Variants in ELFN2 observed in about 807,000 individuals in gnomAD.
ELFN2 encodes protein phosphatase 1 regulatory subunit 29.
ELFN2 carries 17 observed loss-of-function variants against 45.5 expected under a neutral mutation model. The ratio of observed to expected loss-of-function variants is 0.37; its 90% CI spans 0.26 to 0.56. ELFN2 has a LOEUF of 0.56. ELFN2 is among the 20% of genes least tolerant of loss of function. The pLI, the probability that ELFN2 is intolerant of heterozygous loss-of-function variation, is 0.77. For missense variants in ELFN2, 922 were observed against 1,183.2 expected (o/e 0.78, Z 3.24); for synonymous variants, 550 against 551.5 (o/e 1.00, Z 0.04).
At chr22:37,405,399 G>A (rs1932474890) in intron 2 of ELFN2, among the ~76,000 whole-genome samples, 1 of 151,866 alleles carries the variant, frequency 6.6e-6, no homozygotes, top group Non-Finnish European at 1.5e-5. Context: ...GGCCACCTCA[G>A]CTTCTTAAAA....
In ELFN2 at chr22:37,399,342, G is replaced by A. The variant is rs138775427; in HGVS notation, c.-463+18427C>T. Among the ~76,000 whole-genome samples, 47 of 152,216 alleles carry A rather than the reference G, an allele frequency of 3.1e-4. 1 individual carries two copies. In the Middle Eastern group the frequency reaches 0.01, roughly 33 times the overall value. On this transcript the variant is annotated intron_variant, in intron 2 of 2. Transcript: ENST00000402918. Reference sequence around the variant, plus strand: ...AAGTCTGCCCCTGTGTGGGCTTCCTGAGGGCAGGGACTCTTTTCATGCCCA... The same window carrying A: ...AAGTCTGCCCCTGTGTGGGCTTCCTAAGGGCAGGGACTCTTTTCATGCCCA...
chr22:37,382,120 G>A (rs1287988310), intron 2 of ELFN2, among the ~76,000 whole-genome samples: 5 of 152,108 alleles, frequency 3.3e-5, no homozygotes, highest in Non-Finnish European at 7.4e-5. Flanking sequence ...GCAAGGAACT[G>A]AAACTCAGAG....
chr22:37,379,027 C>T (rs1931669613), intron 2 of ELFN2, among the ~76,000 whole-genome samples: 2 of 152,196 alleles, frequency 1.3e-5, no homozygotes, highest in South Asian at 4.1e-4. Context: ...GGGCAGCACC[C>T]CACATACCCA....
chr22:37,383,965 A>G (rs1004132496), intron 2 of ELFN2, among the ~76,000 whole-genome samples: 1 of 151,864 alleles, frequency 6.6e-6, no homozygotes, highest in African/African-American at 2.4e-5. Context: ...CAGTTTCCTC[A>G]TCTGTTTGGA....
chr22:37,393,596 C>T (rs942344147), intron 2 of ELFN2, among the ~76,000 whole-genome samples: 2 of 152,200 alleles, frequency 1.3e-5, no homozygotes, highest in African/African-American at 2.4e-5. Flanking sequence ...CCAGGCCTTG[C>T]GCTAAGTCCC....
rs563208092 is a variant in ELFN2, at chr22:37,378,802, G to A, written c.-462-2806C>T. Among the ~76,000 whole-genome samples, 129 of 152,380 alleles carry A rather than the reference G, an allele frequency of 8.5e-4. No homozygotes were observed. The Middle Eastern group carries it at 0.01, about 12-fold the overall frequency. On this transcript the variant is annotated intron_variant, in intron 2 of 2. Transcript: ENST00000402918. ...CTGCCACCCGTGGAGACCTGACGCG[G>A]CCAGGGAGGGAACAGAGAGGCCAAG...
At chr22:37,343,300 C>T (rs187225730) in intron 1 of ELFN2, among the ~76,000 whole-genome samples, 151 of 152,286 alleles carry the variant, frequency 9.9e-4, no homozygotes, top group Non-Finnish European at 1.8e-3. Flanking sequence ...CCTGCTCCCC[C>T]GCCCCTATGC....
In ELFN2 at chr22:37,384,043, C is replaced by T. The variant is rs1460800885; in HGVS notation, c.-462-8047G>A. On this transcript the variant is annotated intron_variant, in intron 2 of 2. Coordinates refer to ENST00000402918, the MANE Select transcript of ELFN2 (RefSeq NM_052906.5). ...CCCCAAAGCCCTGTCACCTGCCCAC[C>T]GTGTCACCCCCCCATGGCTCACCCG... 2.6e-5 allele frequency among the ~76,000 whole-genome samples: 4 copies of T among 152,166 alleles called. No individual in the cohort carries two copies. In the South Asian group the frequency reaches 6.2e-4, roughly 24 times the overall value.
chr22:37,394,982 A>T (rs1170679815), intron 2 of ELFN2, among the ~76,000 whole-genome samples: 2 of 152,106 alleles, frequency 1.3e-5, no homozygotes, highest in Admixed American at 6.5e-5. Flanking sequence ...ACACGCCTGT[A>T]GTCCCAGCTA....
chr22:37,407,492 G>A (rs1490045781), intron 2 of ELFN2, among the ~76,000 whole-genome samples: 6 of 152,160 alleles, frequency 3.9e-5, no homozygotes, highest in African/African-American at 1.4e-4. Context: ...AGAAACAAGT[G>A]CCTTGGCTTT....
chr22:37,360,704 G>A (rs953173476), intron 1 of ELFN2, among the ~76,000 whole-genome samples: 5 of 152,280 alleles, frequency 3.3e-5, no homozygotes, highest in African/African-American at 4.8e-5. Flanking sequence ...TCCTTAGACC[G>A]AAAGCAGCTG....
At chr22:37,391,194 T>C (rs1601756742) in intron 2 of ELFN2, among the ~76,000 whole-genome samples, 1 of 152,142 alleles carries the variant, frequency 6.6e-6, no homozygotes, top group East Asian at 1.9e-4. Flanking sequence ...CAAGGCTGCG[T>C]GGGGGCCATC....
chr22:37,417,172 G>A lies in ELFN2; in HGVS notation c.-463+597C>T, dbSNP rs1023538900. ...GGCAGCCACCAGCCCCAGCCAGGAC[G>A]GAGCAGCTCCTTCTGCCTGCCTGTC... On this transcript the variant is annotated intron_variant, in intron 2 of 2. Coordinates refer to ENST00000402918, the MANE Select transcript of ELFN2 (RefSeq NM_052906.5). The surrounding 1 kb of genome is among the most constrained non-coding windows in gnomAD (Gnocchi z 4.5). Among the ~76,000 whole-genome samples, 16 of 152,026 alleles carry A rather than the reference G, an allele frequency of 1.1e-4. No individual in the cohort carries two copies. The highest frequency in any genetic ancestry group is 8.5e-4 in the Admixed American group (13 of 15,270).
intron 2 of ELFN2, among the ~76,000 whole-genome samples, chr22:37,389,139 G>C (rs934208248): frequency 6.6e-6 from 1 of 152,140 alleles, no homozygotes; most frequent in Admixed American, 6.5e-5. Context: ...TGCTGCCAAG[G>C]CCACATGGCT....
At position 37,417,303 on chromosome 22, in the gene ELFN2, C is replaced by G. The variant is rs1309679571; in HGVS notation, c.-463+466G>C. Among the ~76,000 whole-genome samples the G allele has an allele frequency of 6.6e-6, 1 of 152,218 alleles. No homozygotes were observed. The highest frequency in any genetic ancestry group is 2.4e-5 in the African/African-American group (1 of 41,450). On this transcript the variant is annotated intron_variant, in intron 2 of 2. Coordinates refer to ENST00000402918, the MANE Select transcript of ELFN2 (RefSeq NM_052906.5). This position sits in a 1 kb window ranked among gnomAD's most constrained non-coding sequence, Gnocchi z 4.5. ...AATTCTGCTGGCGTTTTCCCCTGCT[C>G]CCGGCTCACTTCCAGCCTCTCTCTC...
intron 1 of ELFN2, among the ~76,000 whole-genome samples, chr22:37,359,769 G>A (rs962991046): frequency 3.9e-5 from 6 of 152,224 alleles, no homozygotes; most frequent in African/African-American, 1.4e-4. Flanking sequence ...TCTCGGCTTT[G>A]CTCAGGAAAG....
chr22:37,419,067 T>A (rs1932788829), intron 1 of ELFN2: 1 of 145,244 alleles, frequency 6.9e-6, no homozygotes, highest in South Asian at 2.2e-4. Flanking sequence ...CTCGGCCCCC[T>A]CGGCATTGCC....
chr22:37,345,153 C>A (rs1237210459), intron 1 of ELFN2, among the ~76,000 whole-genome samples: 1 of 152,252 alleles, frequency 6.6e-6, no homozygotes, highest in East Asian at 1.9e-4. Flanking sequence ...TCTGTGAGCA[C>A]CTTTCATCCT....
chr22:37,350,743 G>A (rs5756641), intron 1 of ELFN2, among the ~76,000 whole-genome samples: 25,164 of 149,386 alleles, frequency 0.17, 3,227 homozygotes, highest in South Asian at 0.28. Context: ...CCTGCTCCAC[G>A]CTGGCTGTGG....
Sources: gnomAD v4.1 joint callset for allele counts (sites outside exome capture counted in the v4.1 genomes callset) on GRCh38, gnomAD v4.1.1 for gene constraint, Gnocchi (gnomAD v3.1) non-coding constraint, MANE v1.5 for transcripts, NCBI Gene and HGNC (gene_info 2026-07-23, HGNC 2026-07-21) for gene names.